Variants in IL1RAPL1 observed in about 807,000 individuals in gnomAD.
IL1RAPL1 encodes interleukin 1 receptor accessory protein like 1.
A neutral mutation model predicts 48.4 loss-of-function variants in IL1RAPL1; 3 were observed. The ratio of observed to expected loss-of-function variants is 0.06; its 90% CI spans 0.03 to 0.16. The LOEUF is 0.16. Among genes scored for constraint, IL1RAPL1 ranks in the 10% least tolerant of loss-of-function variants. The pLI, the probability that IL1RAPL1 is intolerant of heterozygous loss-of-function variation, is 1.00. For missense variants in IL1RAPL1, 349 were observed against 530.6 expected, an observed-to-expected ratio of 0.66 and a Z score of 3.36; for synonymous variants, 185 against 187.7, an observed-to-expected ratio of 0.99 and a Z score of 0.12.
At chrX:29,699,419 T>C (rs977818879) in intron 6 of IL1RAPL1, among the ~76,000 whole-genome samples, 2 of 112,665 alleles carry the variant, frequency 1.8e-5, no homozygotes, top group Non-Finnish European at 3.8e-5. Context: ...ATTACACAGT[T>C]ATTTCATTTC....
chrX:29,276,639 A>C (rs1023940506), intron 2 of IL1RAPL1, among the ~76,000 whole-genome samples: 1 of 111,767 alleles, frequency 8.9e-6, no homozygotes, highest in African/African-American at 3.3e-5. Context: ...AAATATATAT[A>C]GATATGGAAA....
chrX:28,866,978 TAAG>T (rs766230397), intron 2 of IL1RAPL1, among the ~76,000 whole-genome samples: 1 of 111,792 alleles, frequency 8.9e-6, no homozygotes, highest in South Asian at 3.7e-4. Context: ...CATCTGAGAA[TAAG>T]AAGGAGGGAT....
At chrX:29,157,448 G>T (rs900104222) in intron 2 of IL1RAPL1, among the ~76,000 whole-genome samples, 3 of 111,858 alleles carry the variant, frequency 2.7e-5, no homozygotes, top group Non-Finnish European at 5.6e-5. Flanking sequence ...TAAATGTCAT[G>T]TGTATATATT....
At chrX:29,466,900 A>G (rs1459296084) in intron 5 of IL1RAPL1, among the ~76,000 whole-genome samples, 6 of 111,437 alleles carry the variant, frequency 5.4e-5, no homozygotes, top group Non-Finnish European at 9.4e-5. Context: ...AGTATTTCTT[A>G]ACGTGTGGTC....
chrX:29,692,103 TAA>T (rs1926791017), intron 6 of IL1RAPL1, among the ~76,000 whole-genome samples: 1 of 112,047 alleles, frequency 8.9e-6, no homozygotes. Context: ...ATATAAAATA[TAA>T]GTTTCCCCTC....
At chrX:28,657,113 G>T (rs890311931) in intron 1 of IL1RAPL1, among the ~76,000 whole-genome samples, 1 of 110,925 alleles carries the variant, frequency 9.0e-6, no homozygotes, top group East Asian at 2.8e-4. Flanking sequence ...TTCACTTAAG[G>T]TTATATCCGT....
At chrX:29,633,836 A>G (rs1602337390) in intron 5 of IL1RAPL1, among the ~76,000 whole-genome samples, 1 of 111,059 alleles carries the variant, frequency 9.0e-6, no homozygotes, top group East Asian at 2.8e-4. Flanking sequence ...GTCTCTGATA[A>G]GGCCACTGGC....
chrX:29,480,162 T>C (rs1467325776), intron 5 of IL1RAPL1, among the ~76,000 whole-genome samples: 1 of 109,025 alleles, frequency 9.2e-6, no homozygotes, highest in Non-Finnish European at 1.9e-5. Context: ...TCAATGGCTT[T>C]ATTGCTGTTC....
intron 6 of IL1RAPL1, among the ~76,000 whole-genome samples, chrX:29,674,739 G>A (rs1926229134): frequency 9.0e-6 from 1 of 110,564 alleles, no homozygotes; most frequent in Non-Finnish European, 1.9e-5. Flanking sequence ...CCTCAGGTAG[G>A]CCCCAGTGTG....
intron 2 of IL1RAPL1, among the ~76,000 whole-genome samples, chrX:29,066,986 C>G (rs1927464019): frequency 1.8e-5 from 2 of 111,558 alleles, no homozygotes; most frequent in African/African-American, 6.5e-5. Context: ...GGATGTAGAC[C>G]ATGTGTAAAC....
At chrX:28,693,116 C>T (rs1402002612) in intron 1 of IL1RAPL1, among the ~76,000 whole-genome samples, 1 of 111,717 alleles carries the variant, frequency 9.0e-6, no homozygotes, top group Non-Finnish European at 1.9e-5. Context: ...AAGACAATTC[C>T]ACTGGAATAC....
intron 2 of IL1RAPL1, among the ~76,000 whole-genome samples, chrX:28,911,803 A>G (rs761749474): frequency 9.2e-6 from 1 of 109,258 alleles, no homozygotes; most frequent in South Asian, 4.0e-4. Flanking sequence ...GCTAGAAGGT[A>G]TATTGCTTCC....
chrX:29,472,753 A>ATGGGTACTT (rs1178227983), intron 5 of IL1RAPL1, among the ~76,000 whole-genome samples: 2 of 111,869 alleles, frequency 1.8e-5, no homozygotes, highest in African/African-American at 6.5e-5. Flanking sequence ...CGTCAGTAAG[A>ATGGGTACTT]TGGGTACTTT....
intron 2 of IL1RAPL1, among the ~76,000 whole-genome samples, chrX:29,039,682 A>G (rs142357522): frequency 0.081 from 8,840 of 108,736 alleles, 377 homozygotes; most frequent in Non-Finnish European, 0.12. Context: ...AGAGGCTACA[A>G]TCCAACTTAA....
chrX:29,807,933 A>G (rs1162422845), intron 6 of IL1RAPL1, among the ~76,000 whole-genome samples: 1 of 111,838 alleles, frequency 8.9e-6, no homozygotes, highest in African/African-American at 3.2e-5. Context: ...TGGTAATCAA[A>G]GAAATGCTAA....
At chrX:29,080,944 C>CT (rs1555960675) in intron 2 of IL1RAPL1, among the ~76,000 whole-genome samples, 8 of 31,267 alleles carry the variant, frequency 2.6e-4, no homozygotes, top group South Asian at 1.9e-3. Flanking sequence ...TTCTTTCTTT[C>CT]TTTCTTTCTT....
chrX:28,656,484 C>T (rs1392586526), intron 1 of IL1RAPL1, among the ~76,000 whole-genome samples: 1 of 111,104 alleles, frequency 9.0e-6, no homozygotes, highest in African/African-American at 3.3e-5. Flanking sequence ...TCTCTGAATT[C>T]CAGTCCCATC....
At chrX:29,470,769 G>T (rs1470146725) in intron 5 of IL1RAPL1, among the ~76,000 whole-genome samples, 1 of 110,454 alleles carries the variant, frequency 9.1e-6, no homozygotes, top group Admixed American at 9.7e-5. Context: ...GAATAGATGG[G>T]ACTACAAGTA....
At chrX:28,737,195 T>C (rs1363238610) in intron 1 of IL1RAPL1, among the ~76,000 whole-genome samples, 4 of 92,703 alleles carry the variant, frequency 4.3e-5, no homozygotes, top group South Asian at 5.7e-4. Context: ...TCCTTTCTCT[T>C]TCTTTCTTTC....
Sources: gnomAD v4.1 joint callset for allele counts (sites outside exome capture counted in the v4.1 genomes callset) on GRCh38, gnomAD v4.1.1 for gene constraint, MANE v1.5 for transcripts, NCBI Gene and HGNC (gene_info 2026-07-23, HGNC 2026-07-21) for gene names.